DOCK3: variants seen among roughly 807,000 people sequenced by gnomAD.
DOCK3 encodes the protein dedicator of cytokinesis protein 3.
In DOCK3, 60 loss-of-function variants were observed where a neutral mutation model predicts 265.6. The observed-to-expected ratio is 0.23, with a 90% confidence interval of 0.18 to 0.28. The LOEUF (loss-of-function observed/expected upper bound fraction) is 0.28. Among genes scored for constraint, DOCK3 ranks in the 10% least tolerant of loss-of-function variants. The pLI is 1.00. For synonymous variants in DOCK3, 881 were observed against 938.0 expected, an observed-to-expected ratio of 0.94 and a Z score of 1.11; for missense variants, 1,981 against 2,594.3, an observed-to-expected ratio of 0.76 and a Z score of 5.14.
At chr3:51,034,435 A>C (rs1372298657) in intron 5 of DOCK3, among the ~76,000 whole-genome samples, 2 of 152,054 alleles carry the variant, frequency 1.3e-5, no homozygotes, top group African/African-American at 4.8e-5. Context: ...TTATACATTC[A>C]TAGCTTTTTA....
At chr3:51,186,143 G>A (rs1253200331) in intron 12 of DOCK3, among the ~76,000 whole-genome samples, 3 of 152,196 alleles carry the variant, frequency 2.0e-5, no homozygotes, top group Non-Finnish European at 2.9e-5. Context: ...TTGAATGGCT[G>A]TGCTCAAAAT....
intron 3 of DOCK3, among the ~76,000 whole-genome samples, chr3:50,880,755 G>A (rs2047979313): frequency 6.6e-6 from 1 of 152,088 alleles, no homozygotes; most frequent in Admixed American, 6.6e-5. Flanking sequence ...GAAAAAGTGG[G>A]AATCCTCCCT....
chr3:50,851,266 G>A (rs1004496732), intron 3 of DOCK3, among the ~76,000 whole-genome samples: 2 of 152,006 alleles, frequency 1.3e-5, no homozygotes. Context: ...CAGGATTTAT[G>A]CACAAGAGGG....
At chr3:51,271,052 C>T (rs369666601) in intron 24 of DOCK3, 45 bp downstream of exon 24, 429 of 1,568,038 alleles carry the variant, frequency 2.7e-4, no homozygotes, top group Admixed American at 8.5e-4. Context: ...CCAGGGGTGT[C>T]CTCCTTCCTT....
At chr3:50,848,467 C>T (rs1029505117) in intron 3 of DOCK3, among the ~76,000 whole-genome samples, 11 of 152,276 alleles carry the variant, frequency 7.2e-5, no homozygotes, top group African/African-American at 2.4e-4. Flanking sequence ...TTAAGGATCT[C>T]CTGTAAGCCT....
intron 1 of DOCK3, among the ~76,000 whole-genome samples, chr3:50,735,805 G>T (rs752466089): frequency 1.3e-4 from 20 of 152,290 alleles, no homozygotes; most frequent in Non-Finnish European, 2.5e-4. Flanking sequence ...ATTGGCTCAT[G>T]GTTCTGCGGC....
chr3:51,273,468 A>G (rs145684027), intron 24 of DOCK3, among the ~76,000 whole-genome samples: 2,960 of 152,310 alleles, frequency 0.019, 41 homozygotes, highest in Non-Finnish European at 0.03. Flanking sequence ...TTCTCAAAGT[A>G]TAAGTTTGGT....
In DOCK3 at chr3:50,978,836, A is replaced by G. The variant is rs552884737; in HGVS notation, c.315+44759A>G. On this transcript the variant is annotated intron_variant, in intron 5 of 52. Coordinates refer to ENST00000266037, the MANE Select transcript of DOCK3 (RefSeq NM_004947.5). ...GGACCCTCCGAGCCACGTGCGGGAT[A>G]TAATCTTGTGGTGTGCCGTTTTTTA... is the stretch of plus-strand genomic sequence containing the variant. Among the ~76,000 whole-genome samples, 3 of 152,282 alleles carry G rather than the reference A, an allele frequency of 2.0e-5. 1 individual carries two copies. The South Asian group carries it at 6.2e-4, about 32-fold the overall frequency.
At chr3:50,732,287 G>A (rs2038267412) in intron 1 of DOCK3, among the ~76,000 whole-genome samples, 1 of 152,020 alleles carries the variant, frequency 6.6e-6, no homozygotes, top group Non-Finnish European at 1.5e-5. Context: ...AGAGTATTAG[G>A]AAAAATAGCT....
intron 1 of DOCK3, among the ~76,000 whole-genome samples, chr3:50,739,393 A>G (rs749567349): frequency 2.7e-4 from 41 of 151,870 alleles, no homozygotes; most frequent in Non-Finnish European, 4.9e-4. Context: ...TAGTGACTAT[A>G]TGTTTTGCAT....
At chr3:51,272,478 G>T (rs1269045912) in intron 24 of DOCK3, among the ~76,000 whole-genome samples, 1 of 143,868 alleles carries the variant, frequency 7.0e-6, no homozygotes, top group Non-Finnish European at 1.5e-5. Flanking sequence ...TAGTAGAGAC[G>T]GGGTTTCACC....
intron 5 of DOCK3, among the ~76,000 whole-genome samples, chr3:50,996,206 G>A (rs1214384289): frequency 6.6e-6 from 1 of 150,690 alleles, no homozygotes; most frequent in East Asian, 2.0e-4. Flanking sequence ...AAGGCTGCAT[G>A]CAGGATTTTT....
rs559386031 is a variant in DOCK3, at chr3:50,918,071, C to T, written c.219-15910C>T. ...GATGGTTTCCAGCTTCATCCATGTC[C>T]CTACAAAGGACATGAACTCATCCTT... On this transcript the variant is annotated intron_variant, in intron 4 of 52. Coordinates refer to ENST00000266037, the MANE Select transcript of DOCK3 (RefSeq NM_004947.5). 6.3e-4 allele frequency among the ~76,000 whole-genome samples: 96 copies of T among 152,108 alleles called. 2 individuals carry two copies. The highest frequency in any genetic ancestry group is 2.1e-3 in the African/African-American group (86 of 41,432).
At chr3:50,800,662 G>A (rs2043024361) in intron 2 of DOCK3, among the ~76,000 whole-genome samples, 1 of 151,674 alleles carries the variant, frequency 6.6e-6, no homozygotes, top group African/African-American at 2.4e-5. Context: ...TCTCAATTTT[G>A]TTTATTTCTG....
chr3:51,256,696 C>T (rs1171923166), intron 22 of DOCK3, among the ~76,000 whole-genome samples: 1 of 151,058 alleles, frequency 6.6e-6, no homozygotes, highest in South Asian at 2.1e-4. Context: ...CGTGTTCAAG[C>T]GATTCTCCTG....
rs572316721 is a variant in DOCK3, at chr3:50,884,704, A to G, written c.163-5322A>G. ...TTTATGTCTTTTTCCAAATTTGGAA[A>G]GTTTTGTGTCATTTTTAAAATTTTA... On this transcript the variant is annotated intron_variant, in intron 3 of 52. Coordinates refer to ENST00000266037, the MANE Select transcript of DOCK3 (RefSeq NM_004947.5). Among the ~76,000 whole-genome samples the G allele has an allele frequency of 2.9e-3, 437 of 151,866 alleles. 1 individual carries two copies. The highest frequency in any genetic ancestry group is 5.2e-3 in the Non-Finnish European group (354 of 67,952).
rs561927115 is a variant in DOCK3, at chr3:50,776,123, C to T, written c.38-2552C>T. Among the ~76,000 whole-genome samples, 6 of 152,172 alleles carry T rather than the reference C, an allele frequency of 3.9e-5. No homozygotes were observed. In the South Asian group the frequency reaches 8.3e-4, roughly 21 times the overall value. ...ATACCCAGTAGTGGGATTGCTGGAT[C>T]GAATGGCAGATCTATTTTTAATTCT... is the stretch of plus-strand genomic sequence containing the variant. On this transcript the variant is annotated intron_variant, in intron 1 of 52. Transcript: ENST00000266037.
intron 5 of DOCK3, among the ~76,000 whole-genome samples, chr3:51,013,586 C>G (rs148200714): frequency 6.6e-6 from 1 of 152,126 alleles, no homozygotes; most frequent in East Asian, 1.9e-4. Flanking sequence ...GTCAGTCAGC[C>G]CCTATTGGGA....
chr3:50,700,076 C>T (rs1395100156), intron 1 of DOCK3, among the ~76,000 whole-genome samples: 1 of 151,988 alleles, frequency 6.6e-6, no homozygotes, highest in Non-Finnish European at 1.5e-5. Context: ...GTCATGAGTT[C>T]GAGACCAGTC....
Sources: gnomAD v4.1 joint callset for allele counts (sites outside exome capture counted in the v4.1 genomes callset) on GRCh38, gnomAD v4.1.1 for gene constraint, MANE v1.5 for transcripts, NCBI Gene and HGNC (gene_info 2026-07-23, HGNC 2026-07-21) for gene names.